PCDHA10: variants seen among roughly 807,000 people sequenced by gnomAD.
PCDHA10 encodes the protein protocadherin alpha 10.
A neutral mutation model predicts 61.2 loss-of-function variants in PCDHA10; 45 were observed. The observed-to-expected ratio is 0.74, with a 90% CI of 0.58 to 0.94. The LOEUF is 0.94. Ranked by LOEUF, PCDHA10 falls within the 40% of genes least tolerant of loss-of-function variation. The pLI is 0.00. For synonymous variants in PCDHA10, 602 were observed against 548.8 expected, an observed-to-expected ratio of 1.10 and a Z score of -1.35; for missense variants, 1,278 against 1,236.2, an observed-to-expected ratio of 1.03 and a Z score of -0.51.
intron 1 of PCDHA10, among the ~76,000 whole-genome samples, chr5:140,873,677 T>A (rs1358245351): frequency 6.6e-6 from 1 of 152,212 alleles, no homozygotes; most frequent in African/African-American, 2.4e-5. Flanking sequence ...TTGTTTCTTT[T>A]TGAGATAGAG....
chr5:140,997,698 A>G (rs1587762890), intron 3 of PCDHA10, among the ~76,000 whole-genome samples: 4 of 145,560 alleles, frequency 2.7e-5, no homozygotes, highest in South Asian at 2.2e-4. Context: ...GTGTGTGTGT[A>G]TGTTAACAAA....
chr5:140,983,282 G>A (rs1030439196), intron 3 of PCDHA10, among the ~76,000 whole-genome samples: 1 of 152,152 alleles, frequency 6.6e-6, no homozygotes, highest in Non-Finnish European at 1.5e-5. Context: ...GTGAGTATAG[G>A]AAAATTGCTT....
intron 1 of PCDHA10, chr5:140,881,443 G>A: frequency 1.2e-6 from 1 of 818,722 alleles, no homozygotes; most frequent in Non-Finnish European, 1.5e-6. Context: ...TATAAAAACA[G>A]AATCCAAAAC....
chr5:140,952,832 G>A (rs560488815), intron 1 of PCDHA10, among the ~76,000 whole-genome samples: 1 of 152,226 alleles, frequency 6.6e-6, no homozygotes, highest in African/African-American at 2.4e-5. Context: ...GCATGATGCT[G>A]GCCATCTGCT....
At chr5:140,876,876 C>T (rs1439703522) in intron 1 of PCDHA10, 1 of 1,614,012 alleles carries the variant, frequency 6.2e-7, no homozygotes, top group Non-Finnish European at 8.5e-7. Context: ...AGGAGAACAA[C>T]CCGCCGGGCT....
chr5:140,868,272 A>C (rs1050467999), intron 1 of PCDHA10: 1 of 152,090 alleles, frequency 6.6e-6, no homozygotes, highest in Non-Finnish European at 1.5e-5. Context: ...CTTTTTTAAA[A>C]CTACCAAGTT....
rs75032728 is a variant in PCDHA10 at position 140,932,740 on chromosome 5, T to C, written c.2389-46209T>C. On this transcript the variant is annotated intron_variant, in intron 1 of 3. Coordinates refer to ENST00000307360, the MANE Select transcript of PCDHA10 (RefSeq NM_018901.4). The stretch of plus-strand genomic sequence containing the variant: ...ATATTGTATAATATAGACCCTCAAA[T>C]CAGTAAAAAGGAAAGAAAAAGAACA... 5.5e-3 allele frequency among the ~76,000 whole-genome samples: 829 copies of C among 151,670 alleles called. 4 individuals carry two copies. The highest frequency in any genetic ancestry group is 0.019 in the African/African-American group (798 of 41,410).
At chr5:140,917,278 C>T (rs188364646) in intron 1 of PCDHA10, among the ~76,000 whole-genome samples, 198 of 143,570 alleles carry the variant, frequency 1.4e-3, no homozygotes, top group South Asian at 9.8e-3. Flanking sequence ...TTTGTAATGA[C>T]GCTTTTCCGT....
intron 1 of PCDHA10, chr5:140,871,364 G>T (rs113722940): frequency 2.5e-6 from 4 of 1,614,102 alleles, no homozygotes; most frequent in Non-Finnish European, 3.4e-6. Context: ...CAGCAGAGGC[G>T]GCAGAGGGTG....
chr5:140,859,326 A>G (rs2045811679), intron 1 of PCDHA10: 1 of 227,460 alleles, frequency 4.4e-6, no homozygotes, highest in East Asian at 1.7e-4. Context: ...GTTTGAGGAG[A>G]AAATAAAATT....
intron 1 of PCDHA10, among the ~76,000 whole-genome samples, chr5:140,937,928 G>T (rs997116789): frequency 4.0e-5 from 6 of 148,604 alleles, no homozygotes; most frequent in Non-Finnish European, 8.9e-5. Context: ...AAAAAAAAAA[G>T]TTTAATTTGA....
intron 1 of PCDHA10, among the ~76,000 whole-genome samples, chr5:140,912,823 G>C (rs2076078264): frequency 6.6e-6 from 1 of 152,090 alleles, no homozygotes; most frequent in Non-Finnish European, 1.5e-5. Context: ...AAGGGATTTT[G>C]AATTTTATTA....
rs114181547 is a variant in PCDHA10, at chr5:140,916,746, T to C, written c.2388+58310T>C. Among the ~76,000 whole-genome samples, 1,217 of 152,314 alleles carry C rather than the reference T, an allele frequency of 8.0e-3. 6 individuals carry two copies. Among genetic ancestry groups the C allele is most frequent in the African/African-American group, 0.019 (786 of 41,576 alleles). ...TTTTGTTGCTGCAAGCTTCACTGCC[T>C]GGGATTAGGGGAGGGGTGGCACAAG... On this transcript the variant is annotated intron_variant, in intron 1 of 3. Coordinates refer to ENST00000307360, the MANE Select transcript of PCDHA10 (RefSeq NM_018901.4).
At chr5:141,005,332 A>G (rs1479899678) in intron 3 of PCDHA10, among the ~76,000 whole-genome samples, 2 of 152,188 alleles carry the variant, frequency 1.3e-5, no homozygotes, top group Non-Finnish European at 2.9e-5. Context: ...ATAATAGGCC[A>G]AGGGGGTGCT....
Position 140,870,192 on chromosome 5 carries a change from G to T in PCDHA10, c.2388+11756G>T. 6 of 1,614,158 alleles carry T rather than the reference G, an allele frequency of 3.7e-6. No homozygotes were observed. Among genetic ancestry groups the T allele is most frequent in the Non-Finnish European group, 5.1e-6 (6 of 1,180,034 alleles). ...CCCTCCCAGTACGAGAGGACGCTCAGCCCAGCACGGTCATTGCCCTGATCA... is the reference window on the plus strand; with the variant it reads ...CCCTCCCAGTACGAGAGGACGCTCATCCCAGCACGGTCATTGCCCTGATCA... On this transcript the variant is annotated intron_variant, in intron 1 of 3. Coordinates refer to ENST00000307360, the MANE Select transcript of PCDHA10 (RefSeq NM_018901.4).
At chr5:140,984,398 A>T (rs1377930175) in intron 3 of PCDHA10, among the ~76,000 whole-genome samples, 1 of 152,142 alleles carries the variant, frequency 6.6e-6, no homozygotes, top group Non-Finnish European at 1.5e-5. Flanking sequence ...AAATGTTGAG[A>T]ACCTATCTTT....
chr5:140,870,714 C>G (rs2052324296), intron 1 of PCDHA10: 3 of 1,613,110 alleles, frequency 1.9e-6, no homozygotes, highest in Non-Finnish European at 8.5e-7. Context: ...TGAGCGCGCG[C>G]GATGCGGGCG....
chr5:140,889,518 ATAT>A (rs2062258374), intron 1 of PCDHA10, among the ~76,000 whole-genome samples: 1 of 151,708 alleles, frequency 6.6e-6, no homozygotes, highest in South Asian at 2.1e-4. Flanking sequence ...TCCATTCTTG[ATAT>A]TATTTTTGCT....
At chr5:140,896,430 T>C (rs543866183) in intron 1 of PCDHA10, among the ~76,000 whole-genome samples, 41 of 152,158 alleles carry the variant, frequency 2.7e-4, no homozygotes, top group Non-Finnish European at 4.4e-4. Context: ...CCATTCTGAC[T>C]GGTGTGACTG....
Sources: allele counts gnomAD v4.1 joint callset (sites outside exome capture counted in the v4.1 genomes callset), GRCh38; gene constraint gnomAD v4.1.1; transcripts MANE v1.5; gene names NCBI Gene and HGNC (gene_info 2026-07-23, HGNC 2026-07-21).